LINGO1: variants seen among roughly 807,000 people sequenced by gnomAD.
LINGO1 encodes the protein leucine-rich repeat and immunoglobulin-like domain-containing nogo receptor-interacting protein 1.
LINGO1 carries 11 observed loss-of-function variants against 37.3 expected under a neutral mutation model. The observed-to-expected ratio is 0.29, with a 90% CI of 0.19 to 0.49. The LOEUF (loss-of-function observed/expected upper bound fraction) is 0.49. Ranked by LOEUF, LINGO1 falls within the 20% of genes least tolerant of loss-of-function variation. The pLI is 0.99. For synonymous variants in LINGO1, 387 were observed against 403.0 expected (o/e 0.96, Z 0.48); for missense variants, 585 against 878.2 (o/e 0.67, Z 4.22).
At chr15:77,713,614 C>G (rs987895087) in intron 2 of LINGO1, among the ~76,000 whole-genome samples, 16 of 152,002 alleles carry the variant, frequency 1.1e-4, no homozygotes, top group Non-Finnish European at 5.9e-5. Flanking sequence ...TATATAAACA[C>G]TTACATACAC....
chr15:77,628,895 C>T (rs1345179379), intron 1 of LINGO1, among the ~76,000 whole-genome samples: 1 of 152,202 alleles, frequency 6.6e-6, no homozygotes, highest in Non-Finnish European at 1.5e-5. Context: ...CAAACCTCTG[C>T]ACCTACCACC....
At chr15:77,627,180 G>A (rs930378047) in intron 1 of LINGO1, among the ~76,000 whole-genome samples, 1 of 152,108 alleles carries the variant, frequency 6.6e-6, no homozygotes, top group African/African-American at 2.4e-5. Flanking sequence ...CAATGCCCTG[G>A]TAATGTCACC....
intron 2 of LINGO1, among the ~76,000 whole-genome samples, chr15:77,732,067 T>C (rs2076159209): frequency 1.3e-5 from 2 of 152,148 alleles, no homozygotes; most frequent in African/African-American, 4.8e-5. Flanking sequence ...AGGTCATGCA[T>C]CATCTCATCT....
In LINGO1 at chr15:77,778,667, G is replaced by C. The variant is rs1395994822; in HGVS notation, c.-257+8202C>G. Among the ~76,000 whole-genome samples, 3 of 152,146 alleles carry C rather than the reference G, an allele frequency of 2.0e-5. No homozygotes were observed. The South Asian group carries it at 6.2e-4, about 31-fold the overall frequency. ...TTGTTGAACTTTCAAAATCTATCCA[G>C]AATCAACCACTTCTCACCACTCCAC... On this transcript the variant is annotated intron_variant, in intron 1 of 3. Transcript: ENST00000561686.
upstream of LINGO1, among the ~76,000 whole-genome samples, chr15:77,696,916 G>A (rs75819932): frequency 3.2e-4 from 49 of 152,400 alleles, no homozygotes; most frequent in East Asian, 9.1e-3. Flanking sequence ...TGACACTCAT[G>A]GGAAGGTGGT....
intron 1 of LINGO1, among the ~76,000 whole-genome samples, chr15:77,782,852 A>G: frequency 6.6e-6 from 1 of 151,918 alleles, no homozygotes; most frequent in East Asian, 1.9e-4. Context: ...CCAGAAAGGA[A>G]TTTGGAAAGC....
chr15:77,768,009 G>A (rs1309999539), intron 1 of LINGO1, among the ~76,000 whole-genome samples: 1 of 152,248 alleles, frequency 6.6e-6, no homozygotes, highest in East Asian at 1.9e-4. Context: ...GGTTGCTCCA[G>A]AGGAGTAGCA....
At chr15:77,643,979 G>A (rs115700997) in intron 3 of LINGO1, among the ~76,000 whole-genome samples, 2,888 of 152,322 alleles carry the variant, frequency 0.019, 67 homozygotes, top group African/African-American at 0.059. Flanking sequence ...TGTGGCACCT[G>A]CTCCAAAGAG....
intron 3 of LINGO1, among the ~76,000 whole-genome samples, chr15:77,663,236 T>A (rs1008280863): frequency 6.6e-6 from 1 of 152,224 alleles, no homozygotes; most frequent in Non-Finnish European, 1.5e-5. Flanking sequence ...TAGAACTGTG[T>A]GCGGTGCGAG....
upstream of LINGO1, among the ~76,000 whole-genome samples, chr15:77,639,098 G>A (rs138461904): frequency 1.3e-5 from 2 of 151,946 alleles, no homozygotes; most frequent in African/African-American, 2.4e-5. Context: ...CCTTCCAATC[G>A]CCACTTGAGT....
intron 2 of LINGO1, among the ~76,000 whole-genome samples, chr15:77,793,200 C>T (rs1252505881): frequency 6.6e-6 from 1 of 152,148 alleles, no homozygotes; most frequent in Non-Finnish European, 1.5e-5. Context: ...GCAAGGCTCC[C>T]CAGAGAGCAG....
chr15:77,740,692 G>T (rs539243725), intron 1 of LINGO1, among the ~76,000 whole-genome samples: 1 of 152,212 alleles, frequency 6.6e-6, no homozygotes. Flanking sequence ...GGAGGGGCAG[G>T]GTGGGGCTTT....
intron 1 of LINGO1, among the ~76,000 whole-genome samples, chr15:77,623,016 G>C (rs2073971500): frequency 6.6e-6 from 1 of 152,118 alleles, no homozygotes; most frequent in African/African-American, 2.4e-5. Context: ...CCTCCGAAGT[G>C]GGACCGGGCC....
chr15:77,615,103 C>T lies in LINGO1; in HGVS notation c.804G>A (p.Leu268=), dbSNP rs775116141. ...CGGTCAGATTGCAGTGTGTGATGGA[C>T]AGGGACGTCAGGTTGAGGCCGTAGA... is the stretch of plus-strand genomic sequence containing the variant. The part of the protein sequence containing the change: ...NCLYGLNLTS[L]SITHCNLTAV... The change falls in exon 2 of 2, where the codon CTG becomes CTA. Residue 268 remains leucine, a synonymous_variant. Coordinates refer to ENST00000355300, the MANE Select transcript of LINGO1 (RefSeq NM_032808.7). 2.5e-6 allele frequency: 4 copies of T among 1,613,978 alleles called. No homozygotes were observed. In the South Asian group the frequency reaches 4.4e-5, roughly 18 times the overall value.
Position 77,614,309 on chromosome 15 carries a change from G to A in LINGO1, c.1598C>T (p.Ser533Phe), listed in dbSNP as rs1324975220. Reference protein sequence around the residue: ...HQPNKTFAFISNQPGEGEANS... With the variant: ...HQPNKTFAFIFNQPGEGEANS... ...GGCCTCTCCCTCGCCCGGCTGGTTG[G>A]AGATGAAAGCGAAGGTCTTGTTGGG... The change falls in exon 2 of 2, where the codon TCC becomes TTC. Residue 533 changes from serine to phenylalanine, a missense_variant. Ser to Phe is a radical substitution (Grantham distance 155, BLOSUM62 -2). Coordinates refer to ENST00000355300, the MANE Select transcript of LINGO1 (RefSeq NM_032808.7). 1.2e-6 allele frequency: 2 copies of A among 1,613,896 alleles called. No individual in the cohort carries two copies. The highest frequency in any genetic ancestry group is 1.7e-6 in the Non-Finnish European group (2 of 1,179,912).
upstream of LINGO1, among the ~76,000 whole-genome samples, chr15:77,790,047 C>T (rs1337878541): frequency 2.6e-5 from 4 of 152,162 alleles, no homozygotes; most frequent in Non-Finnish European, 5.9e-5. Flanking sequence ...GCTAGGATTA[C>T]AGGCATGAGC....
At chr15:77,774,219 AGGTGAGCGGGGGAAT>A (rs1487927098) in intron 1 of LINGO1, among the ~76,000 whole-genome samples, 1 of 152,094 alleles carries the variant, frequency 6.6e-6, no homozygotes, top group Non-Finnish European at 1.5e-5. Context: ...TCAGATCCAC[AGGTGAGCGGGGGAAT>A]GGGGGTCTTC....
chr15:77,775,090 C>T (rs2076624047), intron 1 of LINGO1, among the ~76,000 whole-genome samples: 1 of 152,190 alleles, frequency 6.6e-6, no homozygotes, highest in Non-Finnish European at 1.5e-5. Context: ...GTGGGTCATC[C>T]TATTGCAGGG....
intron 3 of LINGO1, among the ~76,000 whole-genome samples, chr15:77,670,256 A>G (rs2075224585): frequency 6.6e-6 from 1 of 152,176 alleles, no homozygotes; most frequent in African/African-American, 2.4e-5. Flanking sequence ...TGATGAAAAT[A>G]CTCTGGAATT....
Sources: gnomAD v4.1 joint callset for allele counts (sites outside exome capture counted in the v4.1 genomes callset) on GRCh38, gnomAD v4.1.1 for gene constraint, MANE v1.5 for transcripts, NCBI Gene and HGNC (gene_info 2026-07-23, HGNC 2026-07-21) for gene names.